Variants in CBFB observed in about 807,000 individuals in gnomAD.
CBFB encodes the protein core-binding factor subunit beta.
In CBFB, 9 loss-of-function variants were observed where a neutral mutation model predicts 30.4. The ratio of observed to expected loss-of-function variants is 0.30; its 90% CI spans 0.18 to 0.52. The LOEUF (loss-of-function observed/expected upper bound fraction) is 0.52. CBFB is among the 20% of genes least tolerant of loss of function. The pLI is 0.97. For synonymous variants in CBFB, 94 were observed against 84.0 expected, an observed-to-expected ratio of 1.12 and a Z score of -0.65; for missense variants, 170 against 244.0, an observed-to-expected ratio of 0.70 and a Z score of 2.02.
chr16:67,050,117 A>AT (rs1401669887), intron 3 of CBFB, among the ~76,000 whole-genome samples: 12 of 150,110 alleles, frequency 8.0e-5, no homozygotes, highest in African/African-American at 2.9e-4. Context: ...ATTTAGAGTT[A>AT]TTTTGGTCCA....
chr16:67,056,791 C>T (rs1379258155), intron 3 of CBFB, among the ~76,000 whole-genome samples: 1 of 152,044 alleles, frequency 6.6e-6, no homozygotes, highest in African/African-American at 2.4e-5. Context: ...AAGCAGGTCT[C>T]CTGCCTCAGC....
chr16:67,045,560 A>G (rs1383630051), intron 3 of CBFB, among the ~76,000 whole-genome samples: 2 of 152,110 alleles, frequency 1.3e-5, no homozygotes, highest in African/African-American at 2.4e-5. Context: ...ATGTCATAGT[A>G]CCTTCCAGTT....
rs763106753 is a variant in CBFB, at chr16:67,098,721, A to G, written c.507A>G (p.Gln169=). 6 of 1,609,114 alleles carry G rather than the reference A, an allele frequency of 3.7e-6. No homozygotes were observed. Among genetic ancestry groups the G allele is most frequent in the Non-Finnish European group, 5.1e-6 (6 of 1,175,536 alleles). ...TTTTGTCATTGCAGGCAAGAAGACA[A>G]CAAGACCCTAGTCCTGGTTCCAATT... ...SHREEMEARR[Q]QDPSPGSNLG... Residue 169 remains glutamine, a synonymous_variant, in exon 6 of 6, where the codon CAA becomes CAG. Coordinates refer to ENST00000412916, the MANE Select transcript of CBFB (RefSeq NM_022845.3).
chr16:67,069,583 A>C (rs977640952), intron 4 of CBFB, among the ~76,000 whole-genome samples: 6 of 152,184 alleles, frequency 3.9e-5, no homozygotes, highest in Admixed American at 3.9e-4. Context: ...AGTAGCCAAA[A>C]ACTCTCACGT....
chr16:67,035,528 A>G (rs1012794394), intron 2 of CBFB, among the ~76,000 whole-genome samples: 3 of 152,216 alleles, frequency 2.0e-5, no homozygotes, highest in African/African-American at 4.8e-5. Flanking sequence ...TAGGTTGACA[A>G]GTGTACCGAC....
chr16:67,098,985 C>T lies in CBFB; in HGVS notation c.*207C>T, dbSNP rs1325847551. ...CATTTCTAATTTTTTAAGCATGTAG[C>T]CAGTAATAATTTGAAGTTTTTTTTC... On this transcript the variant is annotated 3_prime_UTR_variant, in exon 6 of 6. Coordinates refer to ENST00000412916, the MANE Select transcript of CBFB (RefSeq NM_022845.3). 2 of 427,194 alleles carry T rather than the reference C, an allele frequency of 4.7e-6. No individual in the cohort carries two copies. Among genetic ancestry groups the T allele is most frequent in the East Asian group, 3.5e-5 (1 of 28,708 alleles). 26.5% of individuals were successfully genotyped at this position (427,194 alleles called of 1,614,324 possible).
chr16:67,062,262 G>A (rs958703817), intron 3 of CBFB, among the ~76,000 whole-genome samples: 3 of 149,636 alleles, frequency 2.0e-5, no homozygotes, highest in South Asian at 2.1e-4. Context: ...TCCATCTCCC[G>A]GGTTCAAATG....
chr16:67,053,204 A>T (rs1960610231), intron 3 of CBFB, among the ~76,000 whole-genome samples: 1 of 149,066 alleles, frequency 6.7e-6, no homozygotes, highest in South Asian at 2.1e-4. Context: ...GGAAGCACAC[A>T]CTTCAGGGCA....
At chr16:67,056,683 G>T (rs1328708423) in intron 3 of CBFB, among the ~76,000 whole-genome samples, 1 of 147,436 alleles carries the variant, frequency 6.8e-6, no homozygotes, top group African/African-American at 2.5e-5. Flanking sequence ...ATTCTAGCAG[G>T]CTTTTTTTTT....
chr16:67,042,547 C>T (rs1966549863), intron 3 of CBFB, among the ~76,000 whole-genome samples: 1 of 152,168 alleles, frequency 6.6e-6, no homozygotes, highest in Non-Finnish European at 1.5e-5. Context: ...TTTGCAGGAA[C>T]CTGGGACTGA....
chr16:67,030,308 A>G (rs533147656), intron 2 of CBFB: 257 of 146,592 alleles, frequency 1.8e-3, no homozygotes, highest in Middle Eastern at 0.01. Context: ...GAGGGGGGGG[A>G]AAAGGCCCTA....
chr16:67,082,006 A>G (rs1961570940), intron 4 of CBFB: 1 of 259,602 alleles, frequency 3.9e-6, no homozygotes, highest in African/African-American at 2.2e-5. Flanking sequence ...TTTAGTAGAG[A>G]TGCGGTTTCA....
chr16:67,060,228 A>G (rs543161982), intron 3 of CBFB, among the ~76,000 whole-genome samples: 1 of 152,134 alleles, frequency 6.6e-6, no homozygotes, highest in Non-Finnish European at 1.5e-5. Flanking sequence ...GTCCTCCCAA[A>G]GTATGCTAAG....
intron 3 of CBFB, among the ~76,000 whole-genome samples, chr16:67,048,823 CTT>C (rs559010433): frequency 3.5e-5 from 3 of 85,828 alleles, no homozygotes; most frequent in Non-Finnish European, 2.4e-5. Context: ...TTTTTTTTTT[CTT>C]TTTTTTTTTT....
intron 4 of CBFB, 126 bp downstream of exon 4, chr16:67,066,924 G>A (rs1961076403): frequency 5.7e-6 from 3 of 521,984 alleles, no homozygotes; most frequent in South Asian, 5.0e-5. Flanking sequence ...GCAATATTGA[G>A]GAATCCTGAA....
intron 5 of CBFB, among the ~76,000 whole-genome samples, chr16:67,084,016 A>G (rs1961642785): frequency 6.6e-6 from 1 of 151,918 alleles, no homozygotes; most frequent in East Asian, 1.9e-4. Context: ...AAAAAATAAA[A>G]AATTAGCCAG....
At chr16:67,076,171 A>T (rs929458496) in intron 4 of CBFB, among the ~76,000 whole-genome samples, 1 of 152,040 alleles carries the variant, frequency 6.6e-6, no homozygotes, top group Non-Finnish European at 1.5e-5. Context: ...CAGAGGTTGC[A>T]GTGAGCTGAG....
intron 3 of CBFB, among the ~76,000 whole-genome samples, chr16:67,049,836 A>G (rs1299107741): frequency 6.6e-6 from 1 of 152,084 alleles, no homozygotes; most frequent in Non-Finnish European, 1.5e-5. Context: ...GATGGTTTAC[A>G]TTATCACTAA....
chr16:67,044,413 T>G (rs1021079406), intron 3 of CBFB, among the ~76,000 whole-genome samples: 1 of 152,236 alleles, frequency 6.6e-6, no homozygotes, highest in Non-Finnish European at 1.5e-5. Flanking sequence ...CATTCTTGTT[T>G]ATAGCTTATG....
Sources: allele counts gnomAD v4.1 joint callset (sites outside exome capture counted in the v4.1 genomes callset), GRCh38; gene constraint gnomAD v4.1.1; transcripts MANE v1.5; gene names NCBI Gene and HGNC (gene_info 2026-07-23, HGNC 2026-07-21).